Variants in TXK observed in about 807,000 individuals in gnomAD.
TXK encodes tyrosine-protein kinase TXK.
TXK carries 60 observed loss-of-function variants against 81.0 expected under a neutral mutation model. The observed-to-expected ratio is 0.74, with a 90% CI of 0.60 to 0.92. The LOEUF is 0.92. Ranked by LOEUF, TXK falls within the 40% of genes least tolerant of loss-of-function variation. TXK has a pLI of 0.00. For missense variants in TXK, 581 were observed against 638.3 expected (o/e 0.91, Z 0.97); for synonymous variants, 203 against 210.7 (o/e 0.96, Z 0.32).
At chr4:48,078,263 C>G (rs1357463114) in intron 11 of TXK, among the ~76,000 whole-genome samples, 1 of 152,126 alleles carries the variant, frequency 6.6e-6, no homozygotes, top group Non-Finnish European at 1.5e-5. Flanking sequence ...TTGGGTGAAG[C>G]AGTAAATAGC....
intron 1 of TXK, among the ~76,000 whole-genome samples, chr4:48,115,948 G>A (rs774068718): frequency 2.0e-5 from 3 of 152,148 alleles, no homozygotes; most frequent in African/African-American, 2.4e-5. Flanking sequence ...ATTGACATCC[G>A]AAAATATTCT....
At chr4:48,078,296 C>T (rs1381706128) in intron 11 of TXK, among the ~76,000 whole-genome samples, 1 of 152,094 alleles carries the variant, frequency 6.6e-6, no homozygotes, top group Non-Finnish European at 1.5e-5. Flanking sequence ...TGTTCCAAGC[C>T]ATGGGTGGGA....
At chr4:48,132,455 G>T (rs999118078) in intron 1 of TXK, among the ~76,000 whole-genome samples, 2 of 152,148 alleles carry the variant, frequency 1.3e-5, no homozygotes, top group African/African-American at 2.4e-5. Context: ...AAAGGGAGTG[G>T]CCTGGGCTAA....
At chr4:48,071,458 C>T in intron 14 of TXK, 59 bp downstream of exon 14, 2 of 1,504,002 alleles carry the variant, frequency 1.3e-6, no homozygotes, top group Non-Finnish European at 1.8e-6. Context: ...TTGTGATAAT[C>T]AGGTCTGCTC....
chr4:48,115,097 T>C (rs1043402974), intron 1 of TXK, among the ~76,000 whole-genome samples: 8 of 152,072 alleles, frequency 5.3e-5, no homozygotes, highest in Non-Finnish European at 7.4e-5. Flanking sequence ...GTTTGTTACA[T>C]AGATATATAT....
At position 48,113,495 on chromosome 4, in the gene TXK, C is replaced by T. The variant is rs182789559; in HGVS notation, c.72-186G>A. 1.2e-4 allele frequency among the ~76,000 whole-genome samples: 19 copies of T among 152,318 alleles called. No individual in the cohort carries two copies. The East Asian group carries it at 3.7e-3, about 29-fold the overall frequency. ...GTTTTAAGAACTTAAGTTTCCTTCTCCAGGAACTAGAGGTGCTAAGAGCAT... is the reference window on the plus strand; with the variant it reads ...GTTTTAAGAACTTAAGTTTCCTTCTTCAGGAACTAGAGGTGCTAAGAGCAT... On this transcript the variant is annotated intron_variant, in intron 2 of 14. Transcript: ENST00000264316.
intron 5 of TXK, among the ~76,000 whole-genome samples, chr4:48,105,259 T>C (rs932134631): frequency 5.3e-5 from 8 of 152,166 alleles, no homozygotes; most frequent in Admixed American, 3.3e-4. Context: ...TGGTAAATCA[T>C]CTTGAACAAA....
intron 9 of TXK, among the ~76,000 whole-genome samples, chr4:48,088,203 A>T (rs1272582848): frequency 6.6e-6 from 1 of 152,244 alleles, no homozygotes; most frequent in South Asian, 2.1e-4. Context: ...TAGAACTTAC[A>T]TATTGTTGAT....
intron 1 of TXK, among the ~76,000 whole-genome samples, chr4:48,120,352 A>G (rs1220882248): frequency 6.7e-6 from 1 of 150,338 alleles, no homozygotes; most frequent in Non-Finnish European, 1.5e-5. Flanking sequence ...ATATACGTAT[A>G]TACGTATGTA....
chr4:48,122,445 A>G (rs1048769790), intron 1 of TXK, among the ~76,000 whole-genome samples: 1 of 152,234 alleles, frequency 6.6e-6, no homozygotes, highest in African/African-American at 2.4e-5. Flanking sequence ...CTAAGTGAAT[A>G]GCCCCCTGAT....
chr4:48,092,164 G>A (rs934611184), intron 8 of TXK, among the ~76,000 whole-genome samples: 8 of 152,198 alleles, frequency 5.3e-5, no homozygotes, highest in African/African-American at 1.9e-4. Context: ...CATCAGTGAA[G>A]TTCAGGGCCT....
intron 6 of TXK, among the ~76,000 whole-genome samples, chr4:48,104,246 ATATTTTAT>A (rs1577670531): frequency 2.4e-5 from 1 of 41,656 alleles, no homozygotes; most frequent in Non-Finnish European, 4.4e-5. Context: ...TATATAATAT[ATATTTTAT>A]ATATATAATA....
chr4:48,124,994 AG>A (rs1719052111), intron 1 of TXK, among the ~76,000 whole-genome samples: 1 of 152,242 alleles, frequency 6.6e-6, no homozygotes, highest in Non-Finnish European at 1.5e-5. Flanking sequence ...CTTCTAAGAA[AG>A]GGTTTCCCCA....
intron 1 of TXK, among the ~76,000 whole-genome samples, chr4:48,118,468 A>G (rs1396160956): frequency 6.6e-6 from 1 of 152,178 alleles, no homozygotes; most frequent in Non-Finnish European, 1.5e-5. Context: ...CATATATGCC[A>G]CTTCTGTATT....
At chr4:48,127,447 C>T (rs570343915) in intron 1 of TXK, among the ~76,000 whole-genome samples, 6 of 152,292 alleles carry the variant, frequency 3.9e-5, no homozygotes, top group South Asian at 4.1e-4. Flanking sequence ...ATTGTTTTGC[C>T]GATTAACCTG....
intron 12 of TXK, among the ~76,000 whole-genome samples, chr4:48,075,190 A>G (rs1219701662): frequency 6.6e-6 from 1 of 152,312 alleles, no homozygotes; most frequent in South Asian, 2.1e-4. Context: ...ACTTTAGGAA[A>G]GAAGCTCCTA....
At position 48,067,642 on chromosome 4, in the gene TXK, A is replaced by G; in HGVS notation, c.1579T>C (p.Trp527Arg). 2 of 1,614,128 alleles carry G rather than the reference A, an allele frequency of 1.2e-6. No individual in the cohort carries two copies. The highest frequency in any genetic ancestry group is 1.7e-6 in the Non-Finnish European group (2 of 1,179,996). The change falls in exon 15 of 15, where the codon TGG becomes CGG. Residue 527 changes from tryptophan to arginine, a missense_variant. Physicochemically the swap from Trp to Arg is moderately radical, Grantham distance 101. Transcript: ENST00000264316. ...GGTTGGCATTCTGTTTCCGGTCACC[A>G]GGTTTCCGCAATCTCTGTGACAGCC... ...LRAVTEIAET[W>R]
intron 6 of TXK, among the ~76,000 whole-genome samples, chr4:48,102,709 T>C (rs896034146): frequency 6.6e-6 from 1 of 152,240 alleles, no homozygotes; most frequent in Admixed American, 6.5e-5. Context: ...AGAAACATTT[T>C]GAATGTTTAT....
Position 48,110,623 on chromosome 4 carries a change from A to G in TXK, c.381-20T>C, listed in dbSNP as rs1307768674. The G allele has an allele frequency of 1.9e-6, 3 of 1,598,232 alleles. No individual in the cohort carries two copies. On this transcript the variant is annotated intron_variant, in intron 4 of 14. Transcript: ENST00000264316. The stretch of plus-strand genomic sequence containing the variant: ...TCATTCCTACAACAAAAGAAAAAGC[A>G]AAAATCAAAATGCTTGGCATGTTTG...
Sources: gnomAD v4.1 joint callset for allele counts (sites outside exome capture counted in the v4.1 genomes callset) on GRCh38, gnomAD v4.1.1 for gene constraint, MANE v1.5 for transcripts, NCBI Gene and HGNC (gene_info 2026-07-23, HGNC 2026-07-21) for gene names.